TEX9: variants seen among roughly 807,000 people sequenced by gnomAD.
The protein encoded by TEX9 is testis-expressed protein 9.
TEX9 carries 74 observed loss-of-function variants against 59.6 expected under a neutral mutation model. The observed-to-expected ratio is 1.24, with a 90% CI of 1.03 to 1.51. TEX9 has a LOEUF of 1.51. Among genes scored for constraint, TEX9 ranks in the 40% most tolerant of loss-of-function variants. The probability of loss-of-function intolerance (pLI) is 0.00; values close to 1 mark genes in which losing one functional copy is unlikely to be tolerated. For missense variants in TEX9, 522 were observed against 447.8 expected, an observed-to-expected ratio of 1.17 and a Z score of -1.49; for synonymous variants, 186 against 152.2, an observed-to-expected ratio of 1.22 and a Z score of -1.64.
At chr15:56,335,524 A>C (rs1290302496) in intron 1 of TEX9, among the ~76,000 whole-genome samples, 1 of 152,118 alleles carries the variant, frequency 6.6e-6, no homozygotes, top group Non-Finnish European at 1.5e-5. Flanking sequence ...GGATGGGGGA[A>C]GTGGGAATGG....
At chr15:56,427,862 T>C (rs537772230) in intron 11 of TEX9, 123 bp downstream of exon 11, 9 of 696,714 alleles carry the variant, frequency 1.3e-5, no homozygotes, top group Middle Eastern at 4.5e-4. Context: ...ATAAAATGCA[T>C]CATACATATG....
Position 56,248,564 on chromosome 15 carries a change from G to A in TEX9, c.-107+4286G>A, listed in dbSNP as rs905819258. Among the ~76,000 whole-genome samples the A allele has an allele frequency of 4.6e-5, 7 of 152,144 alleles. 1 individual carries two copies. In the East Asian group the frequency reaches 9.6e-4, roughly 21 times the overall value. ...TATGATGAAACAAATGCTAGATCCC[G>A]CTTTGATTTCACTTAGAAATTTTCC... On this transcript the variant is annotated intron_variant, in intron 1 of 5. Coordinates refer to the TEX9 transcript ENST00000560827.
At position 56,332,374 on chromosome 15, in the gene TEX9, A is replaced by C. The variant is rs540199353; in HGVS notation, c.-106-41067A>C. 5.9e-3 allele frequency among the ~76,000 whole-genome samples: 890 copies of C among 151,686 alleles called. 8 individuals carry two copies. The highest frequency in any genetic ancestry group is 0.01 in the Admixed American group (158 of 15,248). The stretch of plus-strand genomic sequence containing the variant: ...CTCAGTAAACTATCGCAAGAACAAA[A>C]AACCAAACACCGCATATTCTCACCC... On this transcript the variant is annotated intron_variant, in intron 1 of 5. Coordinates refer to the TEX9 transcript ENST00000560827.
intron 1 of TEX9, among the ~76,000 whole-genome samples, chr15:56,266,319 T>A (rs1181599722): frequency 6.6e-6 from 1 of 151,322 alleles, no homozygotes; most frequent in Non-Finnish European, 1.5e-5. Context: ...AGAGATGGGG[T>A]TTCTTTTCTT....
intron 3 of TEX9, among the ~76,000 whole-genome samples, chr15:56,378,837 AC>A (rs1448148665): frequency 1.3e-5 from 2 of 152,050 alleles, no homozygotes; most frequent in African/African-American, 4.8e-5. Flanking sequence ...AGGCCAAGGC[AC>A]GTGACTCACT....
At chr15:56,333,806 T>C (rs1433128648) in intron 1 of TEX9, among the ~76,000 whole-genome samples, 1 of 152,156 alleles carries the variant, frequency 6.6e-6, no homozygotes, top group Non-Finnish European at 1.5e-5. Context: ...CTATTAGAAA[T>C]GATACAGTCA....
rs182786759 is a variant in TEX9 at position 56,316,835 on chromosome 15, C to T, written c.-106-56606C>T. On this transcript the variant is annotated intron_variant, in intron 1 of 5. Transcript: ENST00000560827. Reference sequence around the variant, plus strand: ...AGCGTAGGACCCTCCAAGCCAGGTGCGGGATATAATCTCGTGGTGCATCGT... The same window carrying T: ...AGCGTAGGACCCTCCAAGCCAGGTGTGGGATATAATCTCGTGGTGCATCGT... Among the ~76,000 whole-genome samples, 887 of 152,320 alleles carry T rather than the reference C, an allele frequency of 5.8e-3. 7 individuals are homozygous for T. The highest frequency in any genetic ancestry group is 0.02 in the African/African-American group (835 of 41,584).
chr15:56,300,685 CAGAGAGAG>C (rs71110380), intron 1 of TEX9, among the ~76,000 whole-genome samples: 1 of 115,636 alleles, frequency 8.6e-6, no homozygotes, highest in African/African-American at 3.9e-5. Context: ...AGCAACTCAG[CAGAGAGAG>C]AGAGAGAGAG....
exon 11 of TEX9, chr15:56,427,727 A>G: frequency 6.7e-7 from 1 of 1,487,616 alleles, no homozygotes; most frequent in South Asian, 1.4e-5. Context: ...TTGATGTTTT[A>G]AAAAGGCAAA....
intron 1 of TEX9, among the ~76,000 whole-genome samples, chr15:56,300,039 C>A (rs1273588110): frequency 6.6e-6 from 1 of 152,050 alleles, no homozygotes; most frequent in Non-Finnish European, 1.5e-5. Context: ...GACTTGGCAA[C>A]AGCGAGGTAC....
intron 12 of TEX9, among the ~76,000 whole-genome samples, chr15:56,442,868 A>G (rs1362769813): frequency 6.6e-6 from 1 of 151,960 alleles, no homozygotes; most frequent in Non-Finnish European, 1.5e-5. Context: ...AAACCAGCAC[A>G]TGTACCTCCT....
intron 9 of TEX9, among the ~76,000 whole-genome samples, chr15:56,402,830 A>C (rs1278574819): frequency 6.6e-6 from 1 of 152,258 alleles, no homozygotes; most frequent in African/African-American, 2.4e-5. Context: ...CTGGTTCAAC[A>C]TACACAAATC....
In TEX9 at chr15:56,300,708, G is replaced by GGGGA. The variant is rs1160272154; in HGVS notation, c.-107+56431_-107+56432insGGAG. On this transcript the variant is annotated intron_variant, in intron 1 of 5. Coordinates refer to the TEX9 transcript ENST00000560827. ...AGCAGAGAGAGAGAGAGAGAGAGAG[G>GGGGA]GAGAGAGAGAGAGAGAGAGAGAGAG... 4.5e-3 allele frequency among the ~76,000 whole-genome samples: 462 copies of GGGGA among 102,722 alleles called. 4 individuals carry two copies. The highest frequency in any genetic ancestry group is 6.1e-3 in the Non-Finnish European group (311 of 50,782). 67.4% of individuals were successfully genotyped at this position (102,722 alleles called of 152,430 possible). A position where few individuals can be genotyped will look rare whatever the true frequency, so the allele number is the denominator to read the frequency against.
intron 2 of TEX9, among the ~76,000 whole-genome samples, chr15:56,368,311 C>T (rs190285411): frequency 7.2e-5 from 11 of 152,134 alleles, no homozygotes; most frequent in African/African-American, 2.6e-4. Flanking sequence ...TTAAAGACTG[C>T]TAGATTTGAT....
the TEX9 span, among the ~76,000 whole-genome samples, chr15:56,459,632 T>A: frequency 3.9e-5 from 6 of 152,168 alleles, no homozygotes; most frequent in African/African-American, 1.4e-4. Flanking sequence ...GTCAAGGTCA[T>A]GAAAGACAGC....
chr15:56,299,965 C>T (rs1869679586), intron 1 of TEX9, among the ~76,000 whole-genome samples: 1 of 152,038 alleles, frequency 6.6e-6, no homozygotes, highest in African/African-American at 2.4e-5. Flanking sequence ...TGAGGAGAGA[C>T]TCTCTCTGCT....
intron 12 of TEX9, among the ~76,000 whole-genome samples, chr15:56,432,296 C>T (rs1454378590): frequency 2.0e-5 from 3 of 152,120 alleles, no homozygotes; most frequent in Admixed American, 6.6e-5. Context: ...TAGGCAGTTA[C>T]GAAATCAACT....
At chr15:56,278,113 C>A (rs545545640) in intron 1 of TEX9, among the ~76,000 whole-genome samples, 14 of 152,184 alleles carry the variant, frequency 9.2e-5, no homozygotes, top group African/African-American at 2.6e-4. Context: ...TCAACCTATT[C>A]TTTCCTATAT....
chr15:56,415,777 A>T (rs1011895537), intron 10 of TEX9, among the ~76,000 whole-genome samples: 15 of 152,036 alleles, frequency 9.9e-5, no homozygotes, highest in African/African-American at 3.6e-4. Flanking sequence ...TCTGTGAAGA[A>T]TGTCACTGGT....
Sources: allele counts gnomAD v4.1 joint callset (sites outside exome capture counted in the v4.1 genomes callset), GRCh38; gene constraint gnomAD v4.1.1; transcripts MANE v1.5; gene names NCBI Gene and HGNC (gene_info 2026-07-23, HGNC 2026-07-21).